CORO2A: variants seen among roughly 807,000 people sequenced by gnomAD.
CORO2A encodes the protein coronin 2A, also known as coronin-2A.
A neutral mutation model predicts 62.4 loss-of-function variants in CORO2A; 47 were observed. The ratio of observed to expected loss-of-function variants is 0.75; its 90% CI spans 0.60 to 0.96. The LOEUF is 0.96. CORO2A is among the 40% of genes least tolerant of loss of function. The probability of loss-of-function intolerance (pLI) is 0.00; values close to 1 mark genes in which losing one functional copy is unlikely to be tolerated. For synonymous variants in CORO2A, 273 were observed against 268.9 expected (o/e 1.02, Z -0.15); for missense variants, 610 against 684.1 (o/e 0.89, Z 1.21).
At chr9:98,189,596 C>T (rs190877423) in intron 1 of CORO2A, among the ~76,000 whole-genome samples, 2 of 152,278 alleles carry the variant, frequency 1.3e-5, no homozygotes, top group East Asian at 3.9e-4. Flanking sequence ...CAAACAAATT[C>T]AGCAACTGCT....
chr9:98,140,348 T>C (rs895395681), intron 2 of CORO2A, among the ~76,000 whole-genome samples: 115 of 152,142 alleles, frequency 7.6e-4, no homozygotes, highest in Non-Finnish European at 1.0e-3. Flanking sequence ...TGGGATTTTT[T>C]CTAGAGGGAC....
chr9:98,172,125 C>T (rs1564216292), intron 1 of CORO2A, among the ~76,000 whole-genome samples: 2 of 152,002 alleles, frequency 1.3e-5, no homozygotes, highest in Non-Finnish European at 2.9e-5. Flanking sequence ...GGTGTGACTG[C>T]CCTGGGACAA....
chr9:98,158,877 C>T (rs1467612988), intron 1 of CORO2A, among the ~76,000 whole-genome samples: 2 of 151,462 alleles, frequency 1.3e-5, no homozygotes, highest in South Asian at 2.1e-4. Context: ...TATTGGGTAA[C>T]GTGAATGAAG....
intron 2 of CORO2A, among the ~76,000 whole-genome samples, chr9:98,146,838 G>A (rs970109453): frequency 6.6e-6 from 1 of 152,148 alleles, no homozygotes; most frequent in Non-Finnish European, 1.5e-5. Flanking sequence ...TATAAATGGG[G>A]CTAATGTTCA....
chr9:98,132,039 T>G (rs1190898849), intron 6 of CORO2A, 146 bp downstream of exon 6: 2 of 708,938 alleles, frequency 2.8e-6, no homozygotes, highest in Admixed American at 4.4e-5. Flanking sequence ...AGCATCTCCC[T>G]GCTATTCATC....
At chr9:98,138,967 A>T (rs1827529851) in intron 2 of CORO2A, among the ~76,000 whole-genome samples, 1 of 151,310 alleles carries the variant, frequency 6.6e-6, no homozygotes, top group South Asian at 2.1e-4. Flanking sequence ...GAATCGCTTG[A>T]ACCCAGGAGG....
intron 3 of CORO2A, 43 bp from the exon 4 acceptor site, chr9:98,134,998 C>T: frequency 6.2e-7 from 1 of 1,601,788 alleles, no homozygotes; most frequent in East Asian, 2.2e-5. Flanking sequence ...AGCCAGGGCA[C>T]CTTGGCACCG....
At chr9:98,127,199 G>T (rs1180168765) in intron 10 of CORO2A, among the ~76,000 whole-genome samples, 1 of 152,220 alleles carries the variant, frequency 6.6e-6, no homozygotes, top group Non-Finnish European at 1.5e-5. Context: ...AAGCAGGGGA[G>T]GCTGGCATCA....
At chr9:98,187,173 C>G (rs1828249566) in intron 1 of CORO2A, among the ~76,000 whole-genome samples, 1 of 150,228 alleles carries the variant, frequency 6.7e-6, no homozygotes, top group Non-Finnish European at 1.5e-5. Context: ...GTCCCAGCTA[C>G]TGGGGAGGCT....
chr9:98,149,468 G>A (rs1827693930), intron 2 of CORO2A, among the ~76,000 whole-genome samples: 1 of 152,344 alleles, frequency 6.6e-6, no homozygotes, highest in Middle Eastern at 3.4e-3. Flanking sequence ...AAGAAAAGAC[G>A]TTTGTTTGGC....
chr9:98,147,378 C>T (rs1429702772), intron 2 of CORO2A, among the ~76,000 whole-genome samples: 4 of 152,134 alleles, frequency 2.6e-5, no homozygotes, highest in Non-Finnish European at 1.5e-5. Context: ...CTAGGATTTG[C>T]TTTAAAATAC....
At chr9:98,158,593 C>G (rs1226586828) in intron 1 of CORO2A, among the ~76,000 whole-genome samples, 1 of 152,058 alleles carries the variant, frequency 6.6e-6, no homozygotes, top group Non-Finnish European at 1.5e-5. Context: ...GGTGAGGCTA[C>G]TAGGAGAGTC....
rs955475545 is a variant in CORO2A, at chr9:98,180,563, C to T, written c.-1+11996G>A. 1.1e-4 allele frequency among the ~76,000 whole-genome samples: 17 copies of T among 152,166 alleles called. 1 individual carries two copies. Among genetic ancestry groups the T allele is most frequent in the Admixed American group, 6.6e-4 (10 of 15,264 alleles). ...CTCAGTTTCATCTCCTTAAAAGAAC[C>T]ATCTCATCTCCAAATACCCTCCTTT... On this transcript the variant is annotated intron_variant, in intron 1 of 11. Transcript: ENST00000375077.
chr9:98,187,925 C>T (rs1028233348), intron 1 of CORO2A, among the ~76,000 whole-genome samples: 6 of 152,186 alleles, frequency 3.9e-5, no homozygotes, highest in African/African-American at 9.7e-5. Flanking sequence ...TTCAATAAGC[C>T]ATGTAACTTT....
chr9:98,154,547 G>A (rs765054716), intron 2 of CORO2A, among the ~76,000 whole-genome samples: 5 of 151,680 alleles, frequency 3.3e-5, no homozygotes, highest in African/African-American at 4.8e-5. Context: ...CTTTCCAGTC[G>A]TAACCCTCTC....
At chr9:98,183,432 C>A (rs2118937317) in intron 1 of CORO2A, among the ~76,000 whole-genome samples, 1 of 152,340 alleles carries the variant, frequency 6.6e-6, no homozygotes, top group Middle Eastern at 3.4e-3. Flanking sequence ...GTCATCCAGG[C>A]CTTACCAAAG....
chr9:98,179,670 C>T (rs756803577), intron 1 of CORO2A, among the ~76,000 whole-genome samples: 10 of 151,966 alleles, frequency 6.6e-5, no homozygotes, highest in Non-Finnish European at 1.3e-4. Flanking sequence ...GGTGAGCAGT[C>T]GGCCGGGCGC....
rs941416395 is a variant in CORO2A, at chr9:98,130,985, C to T, written c.840G>A (p.Ala280=). The change falls in exon 7 of 12, where the codon GCG becomes GCA. Residue 280 remains alanine (A), a synonymous_variant. Transcript: ENST00000375077. ...SSGVLFPFYD[A]DTSMLYVVGK... ...CCACCACGTAGAGCATGCTGGTGTCCGCGTCATAGAAGGGAAACAGCACGC... is the reference window on the plus strand; with the variant it reads ...CCACCACGTAGAGCATGCTGGTGTCTGCGTCATAGAAGGGAAACAGCACGC... The T allele has an allele frequency of 1.3e-5, 21 of 1,613,812 alleles. No individual in the cohort carries two copies. Among genetic ancestry groups the T allele is most frequent in the East Asian group, 6.7e-5 (3 of 44,882 alleles).
chr9:98,148,099 A>AAAAAAAAAAG (rs1564206863), intron 2 of CORO2A, among the ~76,000 whole-genome samples: 556 of 18,652 alleles, frequency 0.03, 13 homozygotes, highest in African/African-American at 0.15. Flanking sequence ...AAAAAAAAGA[A>AAAAAAAAAAG]AAAAAAAAAA....
Sources: allele counts gnomAD v4.1 joint callset (sites outside exome capture counted in the v4.1 genomes callset), GRCh38; gene constraint gnomAD v4.1.1; transcripts MANE v1.5; gene names NCBI Gene and HGNC (gene_info 2026-07-23, HGNC 2026-07-21).